ADIPOR2: variants seen among roughly 807,000 people sequenced by gnomAD.
The protein encoded by ADIPOR2 is adiponectin receptor 2, also known as adiponectin receptor protein 2.
A neutral mutation model predicts 40.9 loss-of-function variants in ADIPOR2; 18 were observed. The observed-to-expected ratio is 0.44, with a 90% CI of 0.30 to 0.65. ADIPOR2 has a LOEUF of 0.65. Ranked by LOEUF, ADIPOR2 falls within the 30% of genes least tolerant of loss-of-function variation. The pLI is 0.09. For synonymous variants in ADIPOR2, 165 were observed against 166.4 expected (o/e 0.99, Z 0.06); for missense variants, 283 against 479.2 (o/e 0.59, Z 3.82).
intron 2 of ADIPOR2, chr12:1,757,264 GTCTT>G (rs1862152471): frequency 1.7e-6 from 1 of 590,914 alleles, no homozygotes; most frequent in Admixed American, 2.5e-5. Context: ...CCAGTCTTTT[GTCTT>G]TCTTTTCAGC....
At chr12:1,755,457 A>G (rs951795651) in intron 2 of ADIPOR2, among the ~76,000 whole-genome samples, 1 of 152,178 alleles carries the variant, frequency 6.6e-6, no homozygotes, top group South Asian at 2.1e-4. Flanking sequence ...CATATAATCT[A>G]ATTTAACCAT....
chr12:1,721,839 G>A (rs2154442164), intron 1 of ADIPOR2, among the ~76,000 whole-genome samples: 1 of 152,276 alleles, frequency 6.6e-6, no homozygotes, highest in Non-Finnish European at 1.5e-5. Context: ...GTTACACAAA[G>A]CCCCTTGAGC....
intron 1 of ADIPOR2, among the ~76,000 whole-genome samples, chr12:1,713,656 A>C (rs771377006): frequency 3.9e-5 from 6 of 152,040 alleles, no homozygotes; most frequent in Non-Finnish European, 8.8e-5. Context: ...GCTTTGGCTA[A>C]TATGTTCCTC....
rs1027123251 is a variant in ADIPOR2 at position 1,761,688 on chromosome 12, A to G, written c.171+7174A>G. Among the ~76,000 whole-genome samples the G allele has an allele frequency of 1.8e-4, 28 of 152,192 alleles. 1 individual carries two copies. Among genetic ancestry groups the G allele is most frequent in the Admixed American group, 3.3e-4 (5 of 15,284 alleles). Reference sequence around the variant, plus strand: ...AATTTGGAAATAGAAGCTAAATTCAAACTTACTATAAAACTCAAGTTGTGT... The same window carrying G: ...AATTTGGAAATAGAAGCTAAATTCAGACTTACTATAAAACTCAAGTTGTGT... On this transcript the variant is annotated intron_variant, in intron 2 of 7. Coordinates refer to ENST00000357103, the MANE Select transcript of ADIPOR2 (RefSeq NM_024551.3).
intron 1 of ADIPOR2, among the ~76,000 whole-genome samples, chr12:1,737,353 T>TC (rs397830985): frequency 6.6e-6 from 1 of 152,116 alleles, no homozygotes; most frequent in Non-Finnish European, 1.5e-5. Flanking sequence ...TTGTTTTTTT[T>TC]CTTACAGTAT....
chr12:1,783,827 C>G (rs1862774622), intron 6 of ADIPOR2, 53 bp from the exon 7 acceptor site: 2 of 1,440,880 alleles, frequency 1.4e-6, no homozygotes, highest in Non-Finnish European at 1.9e-6. Flanking sequence ...ATACTGACTT[C>G]TGGCTCTTTG....
In ADIPOR2 at chr12:1,754,382, G is replaced by A. The variant is rs760210253; in HGVS notation, c.39G>A (p.Arg13=). The change falls in exon 2 of 8, where the codon AGG becomes AGA. Residue 13 remains arginine, a synonymous_variant. Transcript: ENST00000357103. ...EPTENRLGCS[R]TPEPDIRLRK... ...CAGAAAACCGATTGGGGTGCAGCAG[G>A]ACTCCAGAGCCAGATATAAGGCTCA... 32 of 1,611,828 alleles carry A rather than the reference G, an allele frequency of 2.0e-5. No individual in the cohort carries two copies. The highest frequency in any genetic ancestry group is 8.4e-5 in the Admixed American group (5 of 59,670).
At chr12:1,767,430 G>C (rs1437946558) in intron 2 of ADIPOR2, among the ~76,000 whole-genome samples, 1 of 151,986 alleles carries the variant, frequency 6.6e-6, no homozygotes, top group Non-Finnish European at 1.5e-5. Context: ...AGATATTATA[G>C]TTATTCTTTT....
intron 1 of ADIPOR2, among the ~76,000 whole-genome samples, chr12:1,728,773 A>C (rs1179779286): frequency 6.6e-6 from 1 of 152,028 alleles, no homozygotes; most frequent in African/African-American, 2.4e-5. Flanking sequence ...TGCATGATAC[A>C]ATACAGTATT....
At chr12:1,778,349 C>G (rs1452334050) in intron 4 of ADIPOR2, 1 of 190,170 alleles carries the variant, frequency 5.3e-6, no homozygotes, top group African/African-American at 2.4e-5. Context: ...TAGAAGTAAT[C>G]TGATCTTTTA....
intron 1 of ADIPOR2, among the ~76,000 whole-genome samples, chr12:1,734,684 A>G (rs910254484): frequency 6.6e-6 from 1 of 152,192 alleles, no homozygotes; most frequent in African/African-American, 2.4e-5. Flanking sequence ...GCCCATGCCT[A>G]TGTCCTGAAT....
intron 1 of ADIPOR2, among the ~76,000 whole-genome samples, chr12:1,752,470 TG>T (rs1277665299): frequency 1.3e-5 from 2 of 152,126 alleles, no homozygotes; most frequent in East Asian, 3.9e-4. Flanking sequence ...ATCAAGATCC[TG>T]ACTCTGTAGT....
chr12:1,693,934 AC>A (rs1414553035), intron 1 of ADIPOR2, among the ~76,000 whole-genome samples: 4 of 152,120 alleles, frequency 2.6e-5, no homozygotes, highest in Non-Finnish European at 4.4e-5. Context: ...GGGCTTATGA[AC>A]CGGGTTTTCA....
chr12:1,758,386 C>G (rs1331422335), intron 2 of ADIPOR2, among the ~76,000 whole-genome samples: 2 of 152,140 alleles, frequency 1.3e-5, no homozygotes, highest in Non-Finnish European at 2.9e-5. Context: ...AAGAAAGGAT[C>G]CATAGGTTGT....
At chr12:1,734,681 C>T (rs1286447344) in intron 1 of ADIPOR2, among the ~76,000 whole-genome samples, 3 of 152,136 alleles carry the variant, frequency 2.0e-5, no homozygotes, top group Non-Finnish European at 2.9e-5. Context: ...CTTGCCCATG[C>T]CTATGTCCTG....
chr12:1,707,129 T>C (rs908432830), intron 1 of ADIPOR2, among the ~76,000 whole-genome samples: 5 of 152,248 alleles, frequency 3.3e-5, no homozygotes, highest in African/African-American at 1.2e-4. Context: ...TGCTGAGTAG[T>C]ATTCACTGTG....
rs1180207692 is a variant in ADIPOR2, at chr12:1,786,034, A to G, written c.1123A>G (p.Met375Val). 6.2e-7 allele frequency: 1 copy of G among 1,613,896 alleles called. No homozygotes were observed. The highest frequency in any genetic ancestry group is 1.7e-5 in the Admixed American group (1 of 60,000). The change falls in exon 8 of 8, where the codon ATG (methionine) becomes GTG (valine). Residue 375 changes from methionine to valine, a missense_variant. Physicochemically the swap from Met to Val is conservative, Grantham distance 21. This residue lies in a region of ADIPOR2 where 106 missense variants were observed against 149.7 expected (regional missense o/e 0.71). Coordinates refer to ENST00000357103, the MANE Select transcript of ADIPOR2 (RefSeq NM_024551.3). ...CTCAAACCTCCAGGAGTTTCGTTTC[A>G]TGATCGGCGGGGGCTGCAGTGAAGA... ...GVSNLQEFRF[M>V]IGGGCSEEDA... is the part of the protein sequence containing the mutation.
intron 6 of ADIPOR2, among the ~76,000 whole-genome samples, chr12:1,782,456 G>T (rs908508448): frequency 2.0e-5 from 3 of 152,318 alleles, no homozygotes; most frequent in East Asian, 3.9e-4. Flanking sequence ...GGGAGCTCCT[G>T]TGTTGCTTTG....
chr12:1,693,190 C>T (rs2094630832), intron 1 of ADIPOR2, among the ~76,000 whole-genome samples: 1 of 152,102 alleles, frequency 6.6e-6, no homozygotes, highest in Non-Finnish European at 1.5e-5. Context: ...TTTATTAGAA[C>T]ATAGCCATAT....
Sources: gnomAD v4.1 joint callset for allele counts (sites outside exome capture counted in the v4.1 genomes callset) on GRCh38, gnomAD v4.1.1 for gene constraint, gnomAD v4.1.1 regional missense constraint, MANE v1.5 for transcripts, NCBI Gene and HGNC (gene_info 2026-07-23, HGNC 2026-07-21) for gene names.